TMEM82: variants seen among roughly 807,000 people sequenced by gnomAD.
The protein encoded by TMEM82 is transmembrane protein 82.
Under a neutral mutation model 29.2 loss-of-function variants are expected in TMEM82, and 30 were observed. That is an observed-to-expected ratio of 1.03 (90% CI 0.77 to 1.39). The LOEUF (loss-of-function observed/expected upper bound fraction) is 1.39, where lower values mean the gene tolerates loss of function less well. TMEM82 is among the 40% of genes most tolerant of loss of function. The pLI, the probability that TMEM82 is intolerant of heterozygous loss-of-function variation, is 0.00. For missense variants in TMEM82, 442 were observed against 447.7 expected, an observed-to-expected ratio of 0.99 and a Z score of 0.12; for synonymous variants, 221 against 225.4, an observed-to-expected ratio of 0.98 and a Z score of 0.18.
chr1:15,742,918 A>C lies in TMEM82; in HGVS notation c.161+11A>C. The C allele has an allele frequency of 6.2e-7, 1 of 1,612,326 alleles. No individual in the cohort carries two copies. The highest frequency in any genetic ancestry group is 8.5e-7 in the Non-Finnish European group (1 of 1,179,746). Reference sequence around the variant, plus strand: ...CGTGGGCTGTGCCAAGTGAGTGCCCACCTCATCCCCCCAGGGAATGTGGCT... The same window carrying C: ...CGTGGGCTGTGCCAAGTGAGTGCCCCCCTCATCCCCCCAGGGAATGTGGCT... On this transcript the variant is annotated intron_variant, in intron 2 of 5. Coordinates refer to ENST00000375782, the MANE Select transcript of TMEM82 (RefSeq NM_001013641.3).
rs370047079 is a variant in TMEM82, at chr1:15,742,518, A to G, written c.-42A>G. 1.1e-4 allele frequency: 164 copies of G among 1,496,158 alleles called. No homozygotes were observed. Among genetic ancestry groups the G allele is most frequent in the Middle Eastern group, 3.5e-4 (2 of 5,710 alleles). 92.7% of individuals were successfully genotyped at this position (1,496,158 alleles called of 1,614,324 possible). A position where few individuals can be genotyped will look rare whatever the true frequency, so the allele number is the denominator to read the frequency against. ...TGCCCAGTGACGTTGGTCTGTCCTT[A>G]CGCAGACCTGGCCGGAGGCTGGGGC... On this transcript the variant is annotated 5_prime_UTR_variant, in exon 1 of 6. Transcript: ENST00000375782.
In TMEM82 at chr1:15,744,664, C is replaced by T. The variant is rs1466125985; in HGVS notation, c.757+84C>T. 5.6e-6 allele frequency: 8 copies of T among 1,439,814 alleles called. No individual in the cohort carries two copies. The East Asian group carries it at 9.8e-5, about 18-fold the overall frequency. 89.2% of individuals were successfully genotyped at this position (1,439,814 alleles called of 1,614,324 possible). On this transcript the variant is annotated intron_variant, in intron 4 of 5. Transcript: ENST00000375782. The surrounding 1 kb of genome is among the most constrained non-coding windows in gnomAD (Gnocchi z 5.2). Reference sequence around the variant, plus strand: ...CTCCGGGGAGGCCGAGAGCCATCAGCCCTCACTCTTGCCATCCCAGAGAGC... The same window carrying T: ...CTCCGGGGAGGCCGAGAGCCATCAGTCCTCACTCTTGCCATCCCAGAGAGC...
Position 15,742,610 on chromosome 1 carries a change from C to T in TMEM82, c.51C>T (p.Leu17=), listed in dbSNP as rs374074666. The change falls in exon 1 of 6, where the codon CTC becomes CTT. Residue 17 remains leucine, a synonymous_variant. Transcript: ENST00000375782. ...LPSWLPGLPS[L]EWGSSLLDSL... is the part of the protein sequence containing the mutation. ...CCTGGCTCCCCGGCCTCCCCTCCCT[C>T]GAGTGGGGCTCTAGCCTCCTTGACT... 20 of 1,608,714 alleles carry T rather than the reference C, an allele frequency of 1.2e-5. No individual in the cohort carries two copies. Among genetic ancestry groups the T allele is most frequent in the Middle Eastern group, 1.7e-4 (1 of 6,038 alleles).
At chr1:15,745,560 A>C (rs566606574) in intron 4 of TMEM82, among the ~76,000 whole-genome samples, 16 of 151,352 alleles carry the variant, frequency 1.1e-4, no homozygotes, top group African/African-American at 3.6e-4. Flanking sequence ...AGAAAGAGAG[A>C]AAGAGAGAGA....
At chr1:15,747,219 G>A (rs2068343190) in intron 5 of TMEM82, among the ~76,000 whole-genome samples, 165 bp downstream of exon 5, 1 of 151,906 alleles carries the variant, frequency 6.6e-6, no homozygotes, top group Non-Finnish European at 1.5e-5. Context: ...TTGAACCCAG[G>A]AGGTAGAGGT....
chr1:15,747,217 A>C (rs1056351715), intron 5 of TMEM82, among the ~76,000 whole-genome samples, 163 bp downstream of exon 5: 1 of 151,678 alleles, frequency 6.6e-6, no homozygotes, highest in African/African-American at 2.4e-5. Context: ...ACTTGAACCC[A>C]GGAGGTAGAG....
Position 15,742,587 on chromosome 1 carries a change from T to C in TMEM82, c.28T>C (p.Trp10Arg), listed in dbSNP as rs1309844604. 1.2e-6 allele frequency: 2 copies of C among 1,600,292 alleles called. No homozygotes were observed. The highest frequency in any genetic ancestry group is 4.5e-5 in the East Asian group (2 of 44,796). MFSLPSLPSWLPGLPSLEWG... is the reference protein window; with the variant it reads MFSLPSLPSRLPGLPSLEWG... Reference sequence around the variant, plus strand: ...GTTCTCTCTTCCATCCCTCCCCTCCTGGCTCCCCGGCCTCCCCTCCCTCGA... The same window carrying C: ...GTTCTCTCTTCCATCCCTCCCCTCCCGGCTCCCCGGCCTCCCCTCCCTCGA... Residue 10 changes from tryptophan (W) to arginine (R), a missense_variant, in exon 1 of 6, where the codon TGG becomes CGG. Trp to Arg is a moderately radical substitution (Grantham distance 101, BLOSUM62 -3). Transcript: ENST00000375782.
chr1:15,747,505 A>T, intron 5 of TMEM82, 41 bp from the exon 6 acceptor site: 2 of 1,557,302 alleles, frequency 1.3e-6, no homozygotes, highest in African/African-American at 1.4e-5. Flanking sequence ...CCGCAGGGGG[A>T]TGGGTGAATG....
Position 15,747,547 on chromosome 1 carries a change from A to T in TMEM82, c.947A>T (p.Asp316Val). The change falls in exon 6 of 6, where the codon GAT becomes GTT. Residue 316 changes from aspartate to valine, a missense_variant and splice_region_variant. By Grantham distance (152) the Asp-to-Val change is radical (BLOSUM62 -3). Transcript: ENST00000375782. Reference sequence around the variant, plus strand: ...GTCATTCTCAACGCTTTTCCTCAGGATTTTCCATCCCAGAGGCCTCCAGTG... The same window carrying T: ...GTCATTCTCAACGCTTTTCCTCAGGTTTTTCCATCCCAGAGGCCTCCAGTG... ...RTLLDLCQIQ[D>V]FPSQRPPVST... The T allele has an allele frequency of 6.2e-7, 1 of 1,613,576 alleles. No homozygotes were observed. The highest frequency in any genetic ancestry group is 8.5e-7 in the Non-Finnish European group (1 of 1,179,724).
rs1226824743 is a variant in TMEM82, at chr1:15,742,831, T to C, written c.89-4T>C. The C allele has an allele frequency of 3.1e-6, 5 of 1,611,188 alleles. No homozygotes were observed. In the African/African-American group the frequency reaches 6.7e-5, roughly 22 times the overall value. Reference sequence around the variant, plus strand: ...GCCTCGCTGCCTCCCTCCCGCCCCCTCAGGCCTGATCGGGGCCCTTGGAGT... The same window carrying C: ...GCCTCGCTGCCTCCCTCCCGCCCCCCCAGGCCTGATCGGGGCCCTTGGAGT... On this transcript the variant is annotated splice_polypyrimidine_tract_variant and splice_region_variant and intron_variant, in intron 1 of 5. Coordinates refer to ENST00000375782, the MANE Select transcript of TMEM82 (RefSeq NM_001013641.3).
In TMEM82 at chr1:15,747,001, G is replaced by T. The variant is rs781178765; in HGVS notation, c.892G>T (p.Glu298Ter). 3 of 1,612,344 alleles carry T rather than the reference G, an allele frequency of 1.9e-6. No homozygotes were observed. The highest frequency in any genetic ancestry group is 4.5e-5 in the East Asian group (2 of 44,860). Residue 298 changes from glutamate to a stop codon, truncating the protein, a stop_gained, in exon 5 of 6, where the codon GAG (glutamate) becomes TAG (stop). Coordinates refer to ENST00000375782, the MANE Select transcript of TMEM82 (RefSeq NM_001013641.3). LOFTEE classifies it high-confidence loss of function. ...LLGILVSLLGELWCLVGVRTL... is the reference protein window; with the variant it reads ...LLGILVSLLG ...GGGCATCCTTGTCTCCCTACTGGGC[G>T]AGCTCTGGTGTCTCGTGGGCGTCCG...
At position 15,743,289 on chromosome 1, in the gene TMEM82, C is replaced by T. The variant is rs573578177; in HGVS notation, c.336+95C>T. The T allele has an allele frequency of 1.3e-5, 18 of 1,365,816 alleles. 1 individual carries two copies. The South Asian group carries it at 2.3e-4, about 17-fold the overall frequency. The allele number at this position is 1,365,816 out of a possible 1,614,324, so 84.6% of individuals were successfully genotyped here. ...GGGCAGCAGGGCCCAGGTCCAGCATCCCAGCCTCTTCGCCGTATTTTCCGT... is the reference window on the plus strand; with the variant it reads ...GGGCAGCAGGGCCCAGGTCCAGCATTCCAGCCTCTTCGCCGTATTTTCCGT... On this transcript the variant is annotated intron_variant, in intron 3 of 5. Transcript: ENST00000375782.
chr1:15,745,764 G>A (rs1317696540), intron 4 of TMEM82, among the ~76,000 whole-genome samples: 1 of 151,664 alleles, frequency 6.6e-6, no homozygotes, highest in Admixed American at 6.6e-5. Context: ...TGTGGTGGCA[G>A]GGGCCTGTAA....
Position 15,747,905 on chromosome 1 carries a change from G to A in TMEM82, c.*273G>A, listed in dbSNP as rs141424353. ...CCTGCCTTCCTGGGCAGGGGTGGGG[G>A]TGCATCCTCAGGAGGGCTCCCCCTT... On this transcript the variant is annotated 3_prime_UTR_variant, in exon 6 of 6. Coordinates refer to ENST00000375782, the MANE Select transcript of TMEM82 (RefSeq NM_001013641.3). 3 of 392,550 alleles carry A rather than the reference G, an allele frequency of 7.6e-6. No homozygotes were observed. Among genetic ancestry groups the A allele is most frequent in the African/African-American group, 2.1e-5 (1 of 48,494 alleles). 24.3% of individuals were successfully genotyped at this position (392,550 alleles called of 1,614,324 possible). A position where few individuals can be genotyped will look rare whatever the true frequency, so the allele number is the denominator to read the frequency against.
At position 15,744,638 on chromosome 1, in the gene TMEM82, G is replaced by A; in HGVS notation, c.757+58G>A. On this transcript the variant is annotated intron_variant, in intron 4 of 5. Transcript: ENST00000375782. This position sits in a 1 kb window ranked among gnomAD's most constrained non-coding sequence, Gnocchi z 5.2. ...ACGCACATCCCTCTGTCTGGGTCAG[G>A]CTCCGGGGAGGCCGAGAGCCATCAG... is the stretch of plus-strand genomic sequence containing the variant. 3 of 1,505,440 alleles carry A rather than the reference G, an allele frequency of 2.0e-6. No individual in the cohort carries two copies. The South Asian group carries it at 4.0e-5, about 20-fold the overall frequency. 93.3% of individuals were successfully genotyped at this position (1,505,440 alleles called of 1,614,324 possible). A position where few individuals can be genotyped will look rare whatever the true frequency, so the allele number is the denominator to read the frequency against.
At chr1:15,747,415 C>T (rs566916616) in intron 5 of TMEM82, 131 bp from the exon 6 acceptor site, 3 of 771,806 alleles carry the variant, frequency 3.9e-6, no homozygotes, top group Admixed American at 2.2e-5. Context: ...TAGCACCCCC[C>T]ACCCTGTCCA....
chr1:15,742,538 TGG>T lies in TMEM82; in HGVS notation c.-19_-18del, dbSNP rs1220030619. On this transcript the variant is annotated 5_prime_UTR_variant, in exon 1 of 6. Coordinates refer to ENST00000375782, the MANE Select transcript of TMEM82 (RefSeq NM_001013641.3). The stretch of plus-strand genomic sequence containing the variant: ...TCCTTACGCAGACCTGGCCGGAGGC[TGG>T]GGCTCCTTCCGGGGCTGCCATGTTC... 6.4e-7 allele frequency: 1 copy of T among 1,559,532 alleles called. No individual in the cohort carries two copies.
chr1:15,744,075 C>A lies in TMEM82; in HGVS notation c.337-85C>A, dbSNP rs2068314099. On this transcript the variant is annotated intron_variant, in intron 3 of 5. Coordinates refer to ENST00000375782, the MANE Select transcript of TMEM82 (RefSeq NM_001013641.3). This position sits in a 1 kb window ranked among gnomAD's most constrained non-coding sequence, Gnocchi z 5.2. Reference sequence around the variant, plus strand: ...CCCTTCGGGAACCATCCCCAAGGTCCCTTCAGGCTCCGGCTTCCTGTGGTG... The same window carrying A: ...CCCTTCGGGAACCATCCCCAAGGTCACTTCAGGCTCCGGCTTCCTGTGGTG... 1.4e-6 allele frequency: 2 copies of A among 1,381,858 alleles called. No homozygotes were observed. The highest frequency in any genetic ancestry group is 2.9e-5 in the African/African-American group (2 of 68,468). 85.6% of individuals were successfully genotyped at this position (1,381,858 alleles called of 1,614,324 possible). A position where few individuals can be genotyped will look rare whatever the true frequency, so the allele number is the denominator to read the frequency against.
chr1:15,742,941 G>A, intron 2 of TMEM82, 34 bp downstream of exon 2: 2 of 1,610,336 alleles, frequency 1.2e-6, no homozygotes, highest in South Asian at 2.2e-5. Flanking sequence ...AGGGAATGTG[G>A]CTGGGGGCAC....
Sources: gnomAD v4.1 joint callset for allele counts (sites outside exome capture counted in the v4.1 genomes callset) on GRCh38, gnomAD v4.1.1 for gene constraint, Gnocchi (gnomAD v3.1) non-coding constraint, MANE v1.5 for transcripts, NCBI Gene and HGNC (gene_info 2026-07-23, HGNC 2026-07-21) for gene names.